The following CLEC16A variants were observed in gnomAD, a reference collection of about 807,000 sequenced individuals.
CLEC16A encodes C-type lectin domain containing 16A, also known as protein CLEC16A.
Under a neutral mutation model 109.5 loss-of-function variants are expected in CLEC16A, and 51 were observed. The observed-to-expected ratio is 0.47, with a 90% confidence interval of 0.37 to 0.59. CLEC16A has a LOEUF of 0.59. Among genes scored for constraint, CLEC16A ranks in the 20% least tolerant of loss-of-function variants. The pLI, the probability that CLEC16A is intolerant of heterozygous loss-of-function variation, is 0.00. For synonymous variants in CLEC16A, 673 were observed against 564.2 expected, an observed-to-expected ratio of 1.19 and a Z score of -2.73; for missense variants, 1,339 against 1,394.0, an observed-to-expected ratio of 0.96 and a Z score of 0.63.
intron 19 of CLEC16A, among the ~76,000 whole-genome samples, chr16:11,097,708 G>C (rs763183854): frequency 1.3e-5 from 2 of 152,182 alleles, no homozygotes; most frequent in Admixed American, 1.3e-4. Context: ...TGGCCCCATT[G>C]GTTTACGTCT....
chr16:10,999,446 G>A (rs2044530589), intron 10 of CLEC16A, among the ~76,000 whole-genome samples: 1 of 152,092 alleles, frequency 6.6e-6, no homozygotes, highest in African/African-American at 2.4e-5. Context: ...ACTTGAAAGG[G>A]ACCCTACTGC....
rs539283720 is a variant in CLEC16A at position 11,057,361 on chromosome 16, G to A, written c.1996-3541G>A. Among the ~76,000 whole-genome samples, 487 of 152,326 alleles carry A rather than the reference G, an allele frequency of 3.2e-3. 5 individuals are homozygous for A. Among genetic ancestry groups the A allele is most frequent in the Middle Eastern group, 6.8e-3 (2 of 294 alleles). On this transcript the variant is annotated intron_variant, in intron 18 of 23. Coordinates refer to ENST00000409790, the MANE Select transcript of CLEC16A (RefSeq NM_015226.3). ...CAGCTCGTGGGCTCAGCACATCACC[G>A]GTGCCATCCCGTTGTACCTGCACGG...
chr16:10,977,520 G>A (rs1162415975), intron 8 of CLEC16A, 121 bp downstream of exon 8: 17 of 967,188 alleles, frequency 1.8e-5, no homozygotes, highest in South Asian at 1.4e-4. Flanking sequence ...TTTTTTGTTT[G>A]TTTGTTTTTA....
intron 7 of CLEC16A, among the ~76,000 whole-genome samples, chr16:10,973,692 C>A (rs369142995): frequency 5.9e-5 from 9 of 151,534 alleles, no homozygotes; most frequent in African/African-American, 2.2e-4. Flanking sequence ...CCTCAGCCTC[C>A]CAGGTAGCTA....
intron 1 of CLEC16A, among the ~76,000 whole-genome samples, chr16:10,952,182 C>A (rs2041768995): frequency 6.6e-6 from 1 of 152,204 alleles, no homozygotes; most frequent in African/African-American, 2.4e-5. Flanking sequence ...GTGAATGTTA[C>A]ATTTATAATC....
At position 11,181,298 on chromosome 16, in the gene CLEC16A, G is replaced by C. The variant is rs899599914; in HGVS notation, c.*2608G>C. ...GGACACGCTGGGCCCCTGGCATCCA[G>C]AGGAAGAGCCAGGAGTGTGGGAAGG... is the stretch of plus-strand genomic sequence containing the variant. On this transcript the variant is annotated 3_prime_UTR_variant, in exon 24 of 24. Coordinates refer to ENST00000409790, the MANE Select transcript of CLEC16A (RefSeq NM_015226.3). 1.3e-5 allele frequency: 2 copies of C among 152,410 alleles called. No individual in the cohort carries two copies. The highest frequency in any genetic ancestry group is 2.4e-5 in the African/African-American group (1 of 41,474). The allele number at this position is 152,410 out of a possible 1,614,324, so 9.4% of individuals were successfully genotyped here.
In CLEC16A at chr16:10,944,739, T is replaced by G. The variant is rs1172076689; in HGVS notation, c.22T>G (p.Trp8Gly). The change falls in exon 1 of 24, where the codon TGG becomes GGG. Residue 8 changes from tryptophan (W) to glycine (G), a missense_variant. Coordinates refer to ENST00000409790, the MANE Select transcript of CLEC16A (RefSeq NM_015226.3). ...CGACATGTTTGGCCGCTCGCGGAGC[T>G]GGGTGGGCGGGGGCCATGGCAAGAC... MFGRSRS[W>G]VGGGHGKTSR... 1 of 1,608,792 alleles carries G rather than the reference T, an allele frequency of 6.2e-7. No homozygotes were observed. Among genetic ancestry groups the G allele is most frequent in the Non-Finnish European group, 8.5e-7 (1 of 1,178,568 alleles).
At chr16:10,987,245 C>T (rs2043725218) in intron 10 of CLEC16A, among the ~76,000 whole-genome samples, 2 of 152,028 alleles carry the variant, frequency 1.3e-5, no homozygotes, top group African/African-American at 4.8e-5. Context: ...AGAGATCTTC[C>T]TCAGTTTCCC....
At chr16:11,177,602 G>C (rs984970352) in intron 23 of CLEC16A, among the ~76,000 whole-genome samples, 3 of 91,028 alleles carry the variant, frequency 3.3e-5, no homozygotes, top group Non-Finnish European at 7.1e-5. Flanking sequence ...TCCGCCAAAA[G>C]AAAAAAAAAA....
chr16:10,951,169 T>G (rs1415888636), intron 1 of CLEC16A, among the ~76,000 whole-genome samples: 1 of 152,188 alleles, frequency 6.6e-6, no homozygotes, highest in Non-Finnish European at 1.5e-5. Flanking sequence ...TTGGTTACAG[T>G]TTCTCTTCTC....
At chr16:10,993,487 G>T (rs985622930) in intron 10 of CLEC16A, among the ~76,000 whole-genome samples, 1 of 152,182 alleles carries the variant, frequency 6.6e-6, no homozygotes, top group Admixed American at 6.5e-5. Context: ...TCCCCATAAG[G>T]AAGCCAAGGT....
intron 1 of CLEC16A, among the ~76,000 whole-genome samples, chr16:10,947,045 C>T (rs1209215824): frequency 6.6e-6 from 1 of 152,230 alleles, no homozygotes; most frequent in Admixed American, 6.5e-5. Flanking sequence ...TAAACGGTCT[C>T]TGGTTCCTTT....
chr16:11,063,208 T>TATA (rs1447917618), intron 19 of CLEC16A, among the ~76,000 whole-genome samples: 1 of 151,978 alleles, frequency 6.6e-6, no homozygotes, highest in Admixed American at 6.6e-5. Flanking sequence ...TAGTAGGGAT[T>TATA]ATGGAAGCAC....
At chr16:11,135,023 A>G (rs2053474455) in intron 22 of CLEC16A, among the ~76,000 whole-genome samples, 2 of 152,254 alleles carry the variant, frequency 1.3e-5, no homozygotes, top group South Asian at 4.1e-4. Flanking sequence ...AAACCAGGCT[A>G]GCGGTGCAGG....
chr16:11,039,680 T>G, intron 13 of CLEC16A, 74 bp from the exon 14 acceptor site: 3 of 1,453,596 alleles, frequency 2.1e-6, no homozygotes, highest in Non-Finnish European at 2.7e-6. Context: ...GAAACCCCAC[T>G]CTACAGGACC....
At chr16:11,031,051 C>G (rs1314588716) in intron 13 of CLEC16A, among the ~76,000 whole-genome samples, 1 of 152,162 alleles carries the variant, frequency 6.6e-6, no homozygotes, top group African/African-American at 2.4e-5. Context: ...TCCTGTGGCA[C>G]TTTTTAATAC....
At chr16:11,118,721 G>C (rs961623485) in intron 19 of CLEC16A, among the ~76,000 whole-genome samples, 1 of 152,196 alleles carries the variant, frequency 6.6e-6, no homozygotes, top group Non-Finnish European at 1.5e-5. Flanking sequence ...ATAGACCAAT[G>C]TCCAGAGAGT....
At chr16:11,137,548 G>C (rs1395456057) in intron 22 of CLEC16A, among the ~76,000 whole-genome samples, 1 of 143,746 alleles carries the variant, frequency 7.0e-6, no homozygotes, top group Non-Finnish European at 1.5e-5. Flanking sequence ...CTGAGGTCAG[G>C]AGTTCCAGAC....
chr16:11,118,179 C>T (rs1332417142), intron 19 of CLEC16A, among the ~76,000 whole-genome samples: 1 of 151,932 alleles, frequency 6.6e-6, no homozygotes, highest in Non-Finnish European at 1.5e-5. Flanking sequence ...GTCTTGAACT[C>T]CTGGGCTCAA....
Sources: gnomAD v4.1 joint callset for allele counts (sites outside exome capture counted in the v4.1 genomes callset) on GRCh38, gnomAD v4.1.1 for gene constraint, MANE v1.5 for transcripts, NCBI Gene and HGNC (gene_info 2026-07-23, HGNC 2026-07-21) for gene names.